The following GULP1 variants were observed in gnomAD, a reference collection of about 807,000 sequenced individuals.
The protein encoded by GULP1 is GULP PTB domain containing engulfment adaptor 1, also known as PTB domain-containing engulfment adapter protein 1.
Under a neutral mutation model 40.9 loss-of-function variants are expected in GULP1, and 19 were observed. That is an observed-to-expected ratio of 0.46 (90% confidence interval 0.32 to 0.68). GULP1 has a LOEUF of 0.68. Among genes scored for constraint, GULP1 ranks in the 30% least tolerant of loss-of-function variants. GULP1 has a pLI of 0.03. For missense variants in GULP1, 312 were observed against 362.2 expected (o/e 0.86, Z 1.12); for synonymous variants, 119 against 117.6 (o/e 1.01, Z -0.08).
chr2:188,513,058 A>T (rs1395773406), intron 4 of GULP1, among the ~76,000 whole-genome samples: 2 of 152,120 alleles, frequency 1.3e-5, no homozygotes, highest in African/African-American at 4.8e-5. Flanking sequence ...AACAATAAGT[A>T]TTCAAATACA....
At chr2:188,589,902 A>G (rs1703169464) in intron 11 of GULP1, 1 of 410,442 alleles carries the variant, frequency 2.4e-6, no homozygotes, top group Non-Finnish European at 4.4e-6. Flanking sequence ...GGTTTTATAA[A>G]CCACATTTTA....
At chr2:188,521,995 G>A (rs1323927254) in intron 4 of GULP1, among the ~76,000 whole-genome samples, 1 of 152,158 alleles carries the variant, frequency 6.6e-6, no homozygotes, top group Non-Finnish European at 1.5e-5. Context: ...AGAATGGCGT[G>A]AACCCGGGAG....
At chr2:188,424,607 G>A (rs923926609) in intron 2 of GULP1, among the ~76,000 whole-genome samples, 2 of 151,924 alleles carry the variant, frequency 1.3e-5, no homozygotes, top group Admixed American at 1.3e-4. Context: ...GTCATCAATA[G>A]CTACCCAGGT....
chr2:188,587,761 T>TA (rs1005547088), intron 10 of GULP1, 94 bp from the exon 11 acceptor site: 15 of 715,666 alleles, frequency 2.1e-5, no homozygotes, highest in Non-Finnish European at 3.0e-5. Flanking sequence ...TTTGATCATG[T>TA]AAATATTCAT....
chr2:188,529,280 C>T, intron 6 of GULP1, 85 bp downstream of exon 6: 1 of 675,250 alleles, frequency 1.5e-6, no homozygotes, highest in Non-Finnish European at 2.5e-6. Flanking sequence ...AAATTTTTTG[C>T]CACCCTGAAC....
At chr2:188,461,154 A>G (rs2059672612) in intron 2 of GULP1, among the ~76,000 whole-genome samples, 1 of 152,036 alleles carries the variant, frequency 6.6e-6, no homozygotes, top group Admixed American at 6.5e-5. Context: ...TTTTGTTATC[A>G]GGATAATCCT....
chr2:188,334,998 A>C (rs1162171856), intron 1 of GULP1, among the ~76,000 whole-genome samples: 1 of 152,236 alleles, frequency 6.6e-6, no homozygotes, highest in East Asian at 1.9e-4. Context: ...CACTTCAGGC[A>C]CAGAGAAAGA....
At chr2:188,415,676 C>A (rs757025653) in intron 2 of GULP1, among the ~76,000 whole-genome samples, 1 of 152,074 alleles carries the variant, frequency 6.6e-6, no homozygotes, top group African/African-American at 2.4e-5. Context: ...AGAATTGAAG[C>A]TGATGCCAAT....
At chr2:188,347,568 T>C (rs920547952) in intron 1 of GULP1, among the ~76,000 whole-genome samples, 5 of 151,650 alleles carry the variant, frequency 3.3e-5, no homozygotes, top group African/African-American at 1.2e-4. Context: ...TGCTTTTAAT[T>C]AGCACACGTG....
At chr2:188,395,213 A>G (rs1369469543) in intron 2 of GULP1, among the ~76,000 whole-genome samples, 1 of 152,180 alleles carries the variant, frequency 6.6e-6, no homozygotes, top group Non-Finnish European at 1.5e-5. Context: ...GCAGGAAAGC[A>G]GTCCACCTCC....
At chr2:188,541,752 G>A (rs570732275) in intron 7 of GULP1, 1 of 221,532 alleles carries the variant, frequency 4.5e-6, no homozygotes, top group Admixed American at 5.5e-5. Context: ...CAGGAAATAT[G>A]ATCTATATGG....
intron 1 of GULP1, among the ~76,000 whole-genome samples, chr2:188,378,287 A>G (rs1014362851): frequency 3.0e-4 from 45 of 151,818 alleles, no homozygotes; most frequent in Non-Finnish European, 5.4e-4. Context: ...AGAAAAAAAA[A>G]AAAAAAAGAA....
At position 188,477,875 on chromosome 2, in the gene GULP1, C is replaced by T. The variant is rs13403508; in HGVS notation, c.28+145C>T. 5,371 of 616,350 alleles carry T rather than the reference C, an allele frequency of 8.7e-3. 253 individuals are homozygous for T. In the African/African-American group the frequency reaches 0.094, roughly 11 times the overall value. 38.2% of individuals were successfully genotyped at this position (616,350 alleles called of 1,614,324 possible). On this transcript the variant is annotated intron_variant, in intron 3 of 11. Coordinates refer to ENST00000409830, the MANE Select transcript of GULP1 (RefSeq NM_016315.4). ...GATTAGAGCAACACAAATCTGCAAA[C>T]GTTGCTAATTAGCTTTCCTTAGTTA...
At chr2:188,386,619 C>T (rs1315520451) in intron 2 of GULP1, among the ~76,000 whole-genome samples, 1 of 151,888 alleles carries the variant, frequency 6.6e-6, no homozygotes, top group East Asian at 1.9e-4. Context: ...TTGATATGTA[C>T]ATCACTTGGT....
intron 1 of GULP1, among the ~76,000 whole-genome samples, chr2:188,334,307 A>G (rs1462585795): frequency 6.6e-6 from 1 of 152,206 alleles, no homozygotes; most frequent in East Asian, 1.9e-4. Context: ...GTAACACCTT[A>G]TCAGATACTT....
At chr2:188,570,410 T>C (rs1698766133) in intron 9 of GULP1, among the ~76,000 whole-genome samples, 1 of 152,196 alleles carries the variant, frequency 6.6e-6, no homozygotes, top group African/African-American at 2.4e-5. Flanking sequence ...TTGTGGCATA[T>C]TCTTCTTTTG....
intron 1 of GULP1, among the ~76,000 whole-genome samples, chr2:188,359,847 C>T (rs2045864393): frequency 6.6e-6 from 1 of 152,034 alleles, no homozygotes; most frequent in Non-Finnish European, 1.5e-5. Flanking sequence ...AGATGAGATG[C>T]TGCTTATGCA....
chr2:188,315,495 C>T (rs1049429002), intron 1 of GULP1, among the ~76,000 whole-genome samples: 1 of 152,030 alleles, frequency 6.6e-6, no homozygotes, highest in Non-Finnish European at 1.5e-5. Context: ...AGTCTGTTTC[C>T]CAATGTCTTT....
chr2:188,409,094 T>A (rs939844499), intron 2 of GULP1, among the ~76,000 whole-genome samples: 8 of 149,944 alleles, frequency 5.3e-5, no homozygotes, highest in Non-Finnish European at 1.0e-4. Context: ...AAGAAGAAAA[T>A]TCTAAGCCCA....
Sources: allele counts gnomAD v4.1 joint callset (sites outside exome capture counted in the v4.1 genomes callset), GRCh38; gene constraint gnomAD v4.1.1; transcripts MANE v1.5; gene names NCBI Gene and HGNC (gene_info 2026-07-23, HGNC 2026-07-21).